Variants in DPP4 observed in about 807,000 individuals in gnomAD.
The protein encoded by DPP4 is dipeptidyl peptidase 4.
A neutral mutation model predicts 122.4 loss-of-function variants in DPP4; 93 were observed. The ratio of observed to expected loss-of-function variants is 0.76; its 90% CI spans 0.64 to 0.90. The LOEUF (loss-of-function observed/expected upper bound fraction) is 0.90, where lower values mean the gene tolerates loss of function less well. Ranked by LOEUF, DPP4 falls within the 40% of genes least tolerant of loss-of-function variation. DPP4 has a pLI of 0.00. For synonymous variants in DPP4, 321 were observed against 302.9 expected (o/e 1.06, Z -0.62); for missense variants, 914 against 907.3 (o/e 1.01, Z -0.09).
rs755212822 is a variant in DPP4 at position 162,035,342 on chromosome 2, T to C, written c.614-18A>G. The C allele has an allele frequency of 6.2e-7, 1 of 1,609,000 alleles. No homozygotes were observed. Among genetic ancestry groups the C allele is most frequent in the South Asian group, 1.1e-5 (1 of 89,940 alleles). ...GACTTCCTCTGAAAAAAGACACAAA[T>C]TGTTCTGTTACAAGAAGTAGCTGAT... On this transcript the variant is annotated intron_variant, in intron 8 of 25. Transcript: ENST00000360534.
intron 2 of DPP4, among the ~76,000 whole-genome samples, 200 bp from the exon 3 acceptor site, chr2:162,047,701 G>C (rs1684237782): frequency 6.6e-6 from 1 of 152,160 alleles, no homozygotes. Context: ...GTGTGTGAGA[G>C]TGTGTGTGTT....
Position 162,073,962 on chromosome 2 carries a change from G to A in DPP4, c.6+14C>T, listed in dbSNP as rs1559730370. 6.2e-7 allele frequency: 1 copy of A among 1,612,328 alleles called. No individual in the cohort carries two copies. Among genetic ancestry groups the A allele is most frequent in the Non-Finnish European group, 8.5e-7 (1 of 1,179,180 alleles). Reference sequence around the variant, plus strand: ...CACAGCTCGCCCCGGGGACGTACGTGGCGCGGCACTCACCTTCATCGTCGG... The same window carrying A: ...CACAGCTCGCCCCGGGGACGTACGTAGCGCGGCACTCACCTTCATCGTCGG... On this transcript the variant is annotated intron_variant, in intron 1 of 25. Coordinates refer to ENST00000360534, the MANE Select transcript of DPP4 (RefSeq NM_001935.4).
chr2:162,057,047 C>T (rs1205158334), intron 2 of DPP4, among the ~76,000 whole-genome samples: 1 of 151,514 alleles, frequency 6.6e-6, no homozygotes, highest in Non-Finnish European at 1.5e-5. Flanking sequence ...TGATTTCATC[C>T]CCAACCAATC....
chr2:162,014,205 C>G (rs544411615), intron 19 of DPP4, among the ~76,000 whole-genome samples, 191 bp downstream of exon 19: 8 of 152,218 alleles, frequency 5.3e-5, no homozygotes, highest in Non-Finnish European at 1.0e-4. Context: ...AGGAGTATCT[C>G]CCTTCTCTAT....
intron 13 of DPP4, 122 bp downstream of exon 13, chr2:162,020,459 G>GAGTTTAAAT: frequency 1.0e-6 from 1 of 969,244 alleles, no homozygotes; most frequent in Non-Finnish European, 1.5e-6. Context: ...CACCACTGAG[G>GAGTTTAAAT]AGTTTAAATT....
At chr2:162,029,689 G>A (rs1334036527) in intron 10 of DPP4, among the ~76,000 whole-genome samples, 1 of 152,182 alleles carries the variant, frequency 6.6e-6, no homozygotes, top group Non-Finnish European at 1.5e-5. Flanking sequence ...TGTCATCCAG[G>A]AGCAGAGAGA....
At chr2:162,040,316 C>G (rs996923216) in intron 5 of DPP4, among the ~76,000 whole-genome samples, 3 of 152,032 alleles carry the variant, frequency 2.0e-5, no homozygotes, top group Non-Finnish European at 4.4e-5. Context: ...AGATGTCATT[C>G]AACAGGTGAG....
At chr2:162,069,293 T>C (rs1397378658) in intron 2 of DPP4, among the ~76,000 whole-genome samples, 1 of 152,224 alleles carries the variant, frequency 6.6e-6, no homozygotes, top group Non-Finnish European at 1.5e-5. Context: ...TTGGCTATTA[T>C]TGTAGCTTGC....
chr2:162,005,553 G>T, intron 23 of DPP4, 192 bp downstream of exon 23: 1 of 527,944 alleles, frequency 1.9e-6, no homozygotes, highest in East Asian at 2.9e-5. Context: ...TATAGCATAC[G>T]ATAAAGACTG....
At chr2:162,040,025 T>C (rs370272639) in intron 5 of DPP4, among the ~76,000 whole-genome samples, 4 of 152,094 alleles carry the variant, frequency 2.6e-5, no homozygotes, top group South Asian at 4.1e-4. Flanking sequence ...ATTATAAACA[T>C]TTTTTTGCCA....
intron 12 of DPP4, 117 bp downstream of exon 12, chr2:162,022,638 G>C: frequency 4.3e-6 from 4 of 934,278 alleles, no homozygotes; most frequent in Non-Finnish European, 5.2e-6. Flanking sequence ...TTGAGAAATA[G>C]GTTAACTAAT....
chr2:162,025,278 G>A (rs1026646402), intron 10 of DPP4, among the ~76,000 whole-genome samples: 6 of 152,000 alleles, frequency 3.9e-5, no homozygotes, highest in African/African-American at 1.5e-4. Context: ...TAATGTTTTC[G>A]CATCTCCTTT....
rs1281729131 is a variant in DPP4 at position 162,011,956 on chromosome 2, T to C, written c.1669A>G (p.Thr557Ala). ...GTGGCCCAGTTCAGTCTGAAGACAG[T>C]GTCTGCTTTTTGACTACATGGGCCT... ...YAGPCSQKAD[T>A]VFRLNWATYL... Residue 557 changes from threonine to alanine, a missense_variant, in exon 20 of 26, where the codon ACT becomes GCT. Transcript: ENST00000360534. 6.2e-7 allele frequency: 1 copy of C among 1,613,656 alleles called. No individual in the cohort carries two copies. Among genetic ancestry groups the C allele is most frequent in the South Asian group, 1.1e-5 (1 of 91,046 alleles).
intron 20 of DPP4, among the ~76,000 whole-genome samples, chr2:162,010,770 T>C (rs1362904918): frequency 6.6e-6 from 1 of 152,188 alleles, no homozygotes; most frequent in Non-Finnish European, 1.5e-5. Flanking sequence ...TCATTAACTT[T>C]AGTAAAAGAG....
At position 162,037,959 on chromosome 2, in the gene DPP4, C is replaced by T. The variant is rs138666366; in HGVS notation, c.613+343G>A. Among the ~76,000 whole-genome samples the T allele has an allele frequency of 8.5e-5, 13 of 152,140 alleles. No homozygotes were observed. The South Asian group carries it at 1.0e-3, about 12-fold the overall frequency. On this transcript the variant is annotated intron_variant, in intron 8 of 25. Coordinates refer to ENST00000360534, the MANE Select transcript of DPP4 (RefSeq NM_001935.4). ...TTATTTAGCTTTCCTTAGTAACTTT[C>T]GGGTTAGGTAGGCTTAATTAGAGAA...
chr2:162,057,627 G>T (rs1160017004), intron 2 of DPP4, among the ~76,000 whole-genome samples: 2 of 152,066 alleles, frequency 1.3e-5, no homozygotes, highest in South Asian at 2.1e-4. Flanking sequence ...GCAGCTAGGG[G>T]GATTATAAAC....
intron 5 of DPP4, among the ~76,000 whole-genome samples, chr2:162,041,610 AC>A (rs1216264963): frequency 2.0e-5 from 3 of 152,086 alleles, no homozygotes; most frequent in Non-Finnish European, 4.4e-5. Flanking sequence ...ATTTTGACAC[AC>A]CCCATGCTTG....
chr2:162,074,167 G>T lies in DPP4; in HGVS notation c.-186C>A. 7.8e-7 allele frequency: 1 copy of T among 1,276,268 alleles called. No homozygotes were observed. The allele number at this position is 1,276,268 out of a possible 1,614,324, so 79.1% of individuals were successfully genotyped here. A position where few individuals can be genotyped will look rare whatever the true frequency, so the allele number is the denominator to read the frequency against. ...GCTGGGTATAAAGGCGCCGCGGGCA[G>T]GCTGCAGGGCAGGCGGCGCGGGAGC... is the stretch of plus-strand genomic sequence containing the variant. On this transcript the variant is annotated 5_prime_UTR_variant, in exon 1 of 26. It adds an upstream start codon to the 5' untranslated region. Transcript: ENST00000360534.
chr2:162,073,942 C>A (rs199970213), intron 1 of DPP4, 34 bp downstream of exon 1: 4 of 1,610,936 alleles, frequency 2.5e-6, no homozygotes, highest in Middle Eastern at 1.7e-4. Context: ...GTCCCCACAG[C>A]TCGCCCCGGG....
Sources: allele counts gnomAD v4.1 joint callset (sites outside exome capture counted in the v4.1 genomes callset), GRCh38; gene constraint gnomAD v4.1.1; transcripts MANE v1.5; gene names NCBI Gene and HGNC (gene_info 2026-07-23, HGNC 2026-07-21).